ROBO2: variants seen among roughly 807,000 people sequenced by gnomAD.
ROBO2 encodes roundabout homolog 2.
ROBO2 carries 53 observed loss-of-function variants against 160.8 expected under a neutral mutation model. The observed-to-expected ratio is 0.33, with a 90% confidence interval of 0.26 to 0.41. ROBO2 has a LOEUF of 0.41. Among genes scored for constraint, ROBO2 ranks in the 10% least tolerant of loss-of-function variants. The probability of loss-of-function intolerance (pLI) is 1.00; values close to 1 mark genes in which losing one functional copy is unlikely to be tolerated. For missense variants in ROBO2, 1,577 were observed against 1,722.4 expected (o/e 0.92, Z 1.49); for synonymous variants, 664 against 611.7 (o/e 1.09, Z -1.26).
chr3:76,093,827 T>A (rs2108112298), intron 2 of ROBO2, among the ~76,000 whole-genome samples: 1 of 152,248 alleles, frequency 6.6e-6, no homozygotes, highest in Non-Finnish European at 1.5e-5. Context: ...ATGTGTGGCA[T>A]TTTATACTAC....
intron 2 of ROBO2, among the ~76,000 whole-genome samples, chr3:77,267,015 G>A (rs1268529415): frequency 6.6e-6 from 1 of 152,030 alleles, no homozygotes; most frequent in African/African-American, 2.4e-5. Context: ...CTTCTTGTGG[G>A]TTATCGACAG....
chr3:77,246,761 T>A (rs1250685281), intron 2 of ROBO2, among the ~76,000 whole-genome samples: 1 of 152,208 alleles, frequency 6.6e-6, no homozygotes, highest in Non-Finnish European at 1.5e-5. Flanking sequence ...TGTAACACTT[T>A]TTTTGTGGAC....
At chr3:76,840,339 G>A (rs1367617488) in intron 2 of ROBO2, among the ~76,000 whole-genome samples, 1 of 151,850 alleles carries the variant, frequency 6.6e-6, no homozygotes, top group Non-Finnish European at 1.5e-5. Flanking sequence ...GCTGGGCGCG[G>A]TAGCTCATAC....
chr3:77,060,113 G>C (rs1401986995), intron 1 of ROBO2, among the ~76,000 whole-genome samples: 1 of 151,768 alleles, frequency 6.6e-6, no homozygotes, highest in South Asian at 2.1e-4. Flanking sequence ...AGGGTAATTA[G>C]TCAAGACTTC....
intron 4 of ROBO2, among the ~76,000 whole-genome samples, chr3:77,490,260 C>G (rs546402600): frequency 6.6e-6 from 1 of 151,902 alleles, no homozygotes; most frequent in South Asian, 2.1e-4. Flanking sequence ...GCCACCGCCC[C>G]AGCTAATTTT....
intron 2 of ROBO2, among the ~76,000 whole-genome samples, chr3:76,425,062 A>G (rs142953617): frequency 1.3e-5 from 2 of 152,094 alleles, no homozygotes; most frequent in Non-Finnish European, 2.9e-5. Flanking sequence ...TACCCTTATA[A>G]ATTCACTCTC....
intron 2 of ROBO2, among the ~76,000 whole-genome samples, chr3:76,452,623 C>T (rs2077533315): frequency 2.6e-5 from 4 of 152,110 alleles, no homozygotes; most frequent in South Asian, 2.1e-4. Flanking sequence ...TGAATAGTGC[C>T]GCAATATACA....
intron 2 of ROBO2, among the ~76,000 whole-genome samples, chr3:76,222,090 G>A (rs1167619523): frequency 6.6e-6 from 1 of 152,154 alleles, no homozygotes; most frequent in Non-Finnish European, 1.5e-5. Context: ...GCCTTGGTGA[G>A]TGGAAACCTA....
intron 2 of ROBO2, among the ~76,000 whole-genome samples, chr3:77,381,112 A>G (rs1289844047): frequency 3.9e-5 from 6 of 152,132 alleles, no homozygotes; most frequent in South Asian, 2.1e-4. Flanking sequence ...TCAGGAGATC[A>G]AGACCATCCT....
chr3:76,215,973 T>C lies in ROBO2; in HGVS notation c.109+278371T>C, dbSNP rs376122427. Among the ~76,000 whole-genome samples, 25 of 152,246 alleles carry C rather than the reference T, an allele frequency of 1.6e-4. No homozygotes were observed. The South Asian group carries it at 5.2e-3, about 32-fold the overall frequency. On this transcript the variant is annotated intron_variant, in intron 2 of 26. Transcript: ENST00000487694. ...TAACAGCTGATCTCTCAGCAGAAACTCTACAAGCCAGAAGAGAGTGGGGGT... is the reference window on the plus strand; with the variant it reads ...TAACAGCTGATCTCTCAGCAGAAACCCTACAAGCCAGAAGAGAGTGGGGGT...
At chr3:77,118,527 G>T (rs1250349374) in intron 2 of ROBO2, among the ~76,000 whole-genome samples, 1 of 152,164 alleles carries the variant, frequency 6.6e-6, no homozygotes, top group Admixed American at 6.5e-5. Context: ...GTTTTACACA[G>T]TTATTTTAAA....
rs146002392 is a variant in ROBO2, at chr3:76,413,223, C to T, written c.109+475621C>T. ...AAACCACTTTTCCCTCCTGGGCCTC[C>T]GGGCCTGTGATGTGAGGGTCTTCTG... On this transcript the variant is annotated intron_variant, in intron 2 of 26. Transcript: ENST00000487694. Among the ~76,000 whole-genome samples the T allele has an allele frequency of 4.4e-3, 674 of 152,276 alleles. 5 individuals are homozygous for T. Among genetic ancestry groups the T allele is most frequent in the African/African-American group, 0.014 (599 of 41,566 alleles).
chr3:77,096,455 T>C (rs1361572071), intron 1 of ROBO2, among the ~76,000 whole-genome samples: 1 of 150,976 alleles, frequency 6.6e-6, no homozygotes, highest in Admixed American at 6.6e-5. Context: ...TCTTTTTCTT[T>C]TTTTTTTTTT....
chr3:77,189,762 TTTAC>T (rs2081644359), intron 2 of ROBO2, among the ~76,000 whole-genome samples: 1 of 151,962 alleles, frequency 6.6e-6, no homozygotes, highest in Non-Finnish European at 1.5e-5. Flanking sequence ...TAGTTGTATC[TTTAC>T]TTAAACTGTT....
intron 2 of ROBO2, among the ~76,000 whole-genome samples, chr3:77,118,725 A>G (rs900148086): frequency 6.6e-6 from 1 of 152,204 alleles, no homozygotes; most frequent in African/African-American, 2.4e-5. Context: ...ATATACAGTC[A>G]CGCATTGCTT....
chr3:76,080,220 A>G (rs934357463), intron 2 of ROBO2, among the ~76,000 whole-genome samples: 18 of 152,268 alleles, frequency 1.2e-4, no homozygotes, highest in Admixed American at 8.5e-4. Context: ...TGACTATCTG[A>G]CCCAGGCTCA....
At chr3:76,105,362 T>C (rs1357760170) in intron 2 of ROBO2, among the ~76,000 whole-genome samples, 3 of 152,168 alleles carry the variant, frequency 2.0e-5, no homozygotes, top group African/African-American at 7.2e-5. Context: ...AATTCTTGTA[T>C]ACCTAATATC....
intron 2 of ROBO2, among the ~76,000 whole-genome samples, chr3:76,303,343 G>C (rs1255819535): frequency 6.7e-6 from 1 of 150,230 alleles, no homozygotes; most frequent in Non-Finnish European, 1.5e-5. Context: ...AACTTTAATT[G>C]TGTGTGTGTG....
At chr3:76,986,311 T>C (rs545607895) in intron 2 of ROBO2, among the ~76,000 whole-genome samples, 10 of 152,228 alleles carry the variant, frequency 6.6e-5, no homozygotes, top group South Asian at 2.1e-4. Context: ...TTCTGAGGAG[T>C]TACCTCTGCT....
Sources: allele counts gnomAD v4.1 joint callset (sites outside exome capture counted in the v4.1 genomes callset), GRCh38; gene constraint gnomAD v4.1.1; transcripts MANE v1.5; gene names NCBI Gene and HGNC (gene_info 2026-07-23, HGNC 2026-07-21).